Variants in MCTP2 observed in about 807,000 individuals in gnomAD.
The protein encoded by MCTP2 is multiple C2 and transmembrane domain-containing protein 2.
In MCTP2, 132 loss-of-function variants were observed where a neutral mutation model predicts 111.6. The observed-to-expected ratio is 1.18, with a 90% CI of 1.03 to 1.37. The LOEUF is 1.37. MCTP2 is among the 40% of genes most tolerant of loss of function. The probability of loss-of-function intolerance (pLI) is 0.00; values close to 1 mark genes in which losing one functional copy is unlikely to be tolerated. For missense variants in MCTP2, 1,183 were observed against 1,067.9 expected, an observed-to-expected ratio of 1.11 and a Z score of -1.50; for synonymous variants, 395 against 387.7, an observed-to-expected ratio of 1.02 and a Z score of -0.22.
intron 12 of MCTP2, among the ~76,000 whole-genome samples, chr15:94,378,502 T>C (rs1029645724): frequency 2.0e-5 from 3 of 152,184 alleles, no homozygotes; most frequent in Non-Finnish European, 4.4e-5. Context: ...CACTCCAACC[T>C]GGGTGACAGA....
At position 94,470,455 on chromosome 15, in the gene MCTP2, T is replaced by A. The variant is rs758480582; in HGVS notation, c.2470+13T>A. 1.4e-5 allele frequency: 22 copies of A among 1,523,128 alleles called. No homozygotes were observed. Among genetic ancestry groups the A allele is most frequent in the Non-Finnish European group, 1.8e-5 (20 of 1,096,960 alleles). 94.4% of individuals were successfully genotyped at this position (1,523,128 alleles called of 1,614,324 possible). On this transcript the variant is annotated intron_variant, in intron 21 of 22. Transcript: ENST00000357742. ...ATTTTAATCTGGGGTAAGTTTGGAA[T>A]GGTCCTTTTGCTAGCAATCAATTCC... is the stretch of plus-strand genomic sequence containing the variant.
chr15:94,370,321 G>A (rs2152437957), intron 12 of MCTP2, 141 bp downstream of exon 12: 2 of 576,480 alleles, frequency 3.5e-6, no homozygotes, highest in East Asian at 3.2e-5. Context: ...GCAAAAAAGA[G>A]GCAGACTTGA....
intron 9 of MCTP2, 108 bp from the exon 10 acceptor site, chr15:94,358,374 G>A (rs763178933): frequency 1.0e-4 from 102 of 1,010,714 alleles, no homozygotes; most frequent in African/African-American, 8.5e-4. Flanking sequence ...TAAGGGGTGA[G>A]GTCCATCATC....
intron 21 of MCTP2, among the ~76,000 whole-genome samples, chr15:94,475,794 G>C (rs1209522241): frequency 6.6e-6 from 1 of 152,186 alleles, no homozygotes; most frequent in Non-Finnish European, 1.5e-5. Context: ...ACGTGGTTGA[G>C]AGGAACTCCC....
chr15:94,406,647 A>G lies in MCTP2; in HGVS notation c.2085+4628A>G, dbSNP rs1462562671. Among the ~76,000 whole-genome samples, 3 of 152,220 alleles carry G rather than the reference A, an allele frequency of 2.0e-5. 1 individual carries two copies. The highest frequency in any genetic ancestry group is 4.1e-4 in the South Asian group (2 of 4,836). On this transcript the variant is annotated intron_variant, in intron 17 of 22. Transcript: ENST00000357742. ...GAAATGCCCAGCCCCTGGGCATCAC[A>G]TGCATTTGGCATCCTTGGAATCCAG...
intron 20 of MCTP2, among the ~76,000 whole-genome samples, chr15:94,469,946 T>C (rs2152539681): frequency 1.3e-5 from 2 of 152,114 alleles, no homozygotes; most frequent in African/African-American, 4.8e-5. Flanking sequence ...CTAGTAACCG[T>C]GTGTTTATTG....
intron 1 of MCTP2, among the ~76,000 whole-genome samples, chr15:94,289,413 A>G (rs2074930242): frequency 6.6e-6 from 1 of 152,176 alleles, no homozygotes; most frequent in East Asian, 1.9e-4. Context: ...ATATTCTCAG[A>G]TTGGGAAAAA....
chr15:94,424,234 G>A (rs572991720), intron 17 of MCTP2, among the ~76,000 whole-genome samples: 28 of 152,072 alleles, frequency 1.8e-4, no homozygotes, highest in African/African-American at 6.7e-4. Flanking sequence ...GCGTATAGCT[G>A]TATGAGTAAA....
At chr15:94,310,695 TA>T (rs2076084819) in intron 2 of MCTP2, among the ~76,000 whole-genome samples, 1 of 151,092 alleles carries the variant, frequency 6.6e-6, no homozygotes, top group African/African-American at 2.4e-5. Context: ...TATTTTATTA[TA>T]AAATATTTCA....
chr15:94,459,712 T>C (rs2085067815), intron 20 of MCTP2, among the ~76,000 whole-genome samples: 1 of 152,236 alleles, frequency 6.6e-6, no homozygotes, highest in Non-Finnish European at 1.5e-5. Context: ...ATCATAATTC[T>C]TTATTCATTT....
At chr15:94,369,629 G>A (rs1198722917) in intron 11 of MCTP2, among the ~76,000 whole-genome samples, 1 of 152,142 alleles carries the variant, frequency 6.6e-6, no homozygotes, top group Non-Finnish European at 1.5e-5. Flanking sequence ...ACTCTCTTTA[G>A]AGTGGTGATA....
chr15:94,355,808 C>G, intron 8 of MCTP2: 1 of 561,772 alleles, frequency 1.8e-6, no homozygotes, highest in Middle Eastern at 9.1e-4. Context: ...CCCAGAATGT[C>G]TTTCTTCCTC....
intron 4 of MCTP2, among the ~76,000 whole-genome samples, chr15:94,320,001 C>G (rs1217459854): frequency 6.6e-6 from 1 of 152,190 alleles, no homozygotes; most frequent in Non-Finnish European, 1.5e-5. Flanking sequence ...ATGTTTTTCA[C>G]AGGCATAAGC....
At chr15:94,232,672 G>A (rs985934093) in intron 1 of MCTP2, among the ~76,000 whole-genome samples, 1 of 152,150 alleles carries the variant, frequency 6.6e-6, no homozygotes, top group Non-Finnish European at 1.5e-5. Context: ...GGAATCTTAA[G>A]GCACTTATTC....
At chr15:94,364,196 G>T (rs1274329323) in intron 10 of MCTP2, among the ~76,000 whole-genome samples, 6 of 149,356 alleles carry the variant, frequency 4.0e-5, no homozygotes, top group Non-Finnish European at 7.4e-5. Flanking sequence ...GGTTTTTTTT[G>T]GGAAAAAACC....
intron 20 of MCTP2, among the ~76,000 whole-genome samples, chr15:94,459,925 C>G (rs1257200147): frequency 6.6e-6 from 1 of 152,150 alleles, no homozygotes; most frequent in Non-Finnish European, 1.5e-5. Context: ...ATTCAAACCA[C>G]CCTATAAAGT....
Position 94,462,889 on chromosome 15 carries a change from A to C in MCTP2, c.2360+4643A>C, listed in dbSNP as rs138358581. ...GATGACAGGTATTAATCACCTAAAA[A>C]TATTAACTATTATGAGTATTATTTT... On this transcript the variant is annotated intron_variant, in intron 20 of 22. Coordinates refer to ENST00000357742, the MANE Select transcript of MCTP2 (RefSeq NM_001385001.1). Among the ~76,000 whole-genome samples, 47 of 152,342 alleles carry C rather than the reference A, an allele frequency of 3.1e-4. No homozygotes were observed. In the East Asian group the frequency reaches 9.1e-3, roughly 29 times the overall value.
intron 2 of MCTP2, among the ~76,000 whole-genome samples, chr15:94,312,870 T>C (rs1177493195): frequency 2.0e-5 from 3 of 152,168 alleles, no homozygotes; most frequent in Non-Finnish European, 4.4e-5. Context: ...CCCCCTGGTC[T>C]GGATGTTTTG....
At position 94,465,383 on chromosome 15, in the gene MCTP2, C is replaced by T. The variant is rs554103402; in HGVS notation, c.2361-4950C>T. ...CAGGCATGACCTATGATAAAGTTTACTTTATAAATTAGGTACAGTAACAGA... is the reference window on the plus strand; with the variant it reads ...CAGGCATGACCTATGATAAAGTTTATTTTATAAATTAGGTACAGTAACAGA... On this transcript the variant is annotated intron_variant, in intron 20 of 22. Transcript: ENST00000357742. Among the ~76,000 whole-genome samples the T allele has an allele frequency of 2.2e-3, 329 of 152,084 alleles. 1 individual carries two copies. The highest frequency in any genetic ancestry group is 7.3e-3 in the African/African-American group (304 of 41,494).
Sources: gnomAD v4.1 joint callset for allele counts (sites outside exome capture counted in the v4.1 genomes callset) on GRCh38, gnomAD v4.1.1 for gene constraint, MANE v1.5 for transcripts, NCBI Gene and HGNC (gene_info 2026-07-23, HGNC 2026-07-21) for gene names.